Variants in ABI3 observed in about 807,000 individuals in gnomAD.
The protein encoded by ABI3 is ABI gene family member 3.
In ABI3, 24 loss-of-function variants were observed where a neutral mutation model predicts 37.0. That is an observed-to-expected ratio of 0.65 (90% CI 0.47 to 0.91). The LOEUF is 0.91. Among genes scored for constraint, ABI3 ranks in the 40% least tolerant of loss-of-function variants. The probability of loss-of-function intolerance (pLI) is 0.00; values close to 1 mark genes in which losing one functional copy is unlikely to be tolerated. For missense variants in ABI3, 481 were observed against 485.1 expected (o/e 0.99, Z 0.08); for synonymous variants, 220 against 211.8 (o/e 1.04, Z -0.34).
At chr17:49,212,352 G>C (rs917431830) in intron 1 of ABI3, among the ~76,000 whole-genome samples, 6 of 152,122 alleles carry the variant, frequency 3.9e-5, no homozygotes, top group Admixed American at 2.6e-4. Flanking sequence ...TCTGTCCCCG[G>C]TTTCCTCTGC....
chr17:49,219,586 G>T lies in ABI3; in HGVS notation c.509G>T (p.Ser170Ile). 1.9e-6 allele frequency: 3 copies of T among 1,602,810 alleles called. No homozygotes were observed. The highest frequency in any genetic ancestry group is 2.6e-6 in the Non-Finnish European group (3 of 1,175,076). The part of the protein sequence containing the change: ...LSRTGTLSRK[S>I]IKAPATPASA... ...AGAACAGGCACCCTGTCTCGAAAGA[G>T]CATCAAGGCCCCTGCCACACCCGCC... Residue 170 changes from serine to isoleucine, a missense_variant, in exon 4 of 8, where the codon AGC becomes ATC. Physicochemically the swap from Ser to Ile is moderately radical, Grantham distance 142 (BLOSUM62 -2). Coordinates refer to ENST00000225941, the MANE Select transcript of ABI3 (RefSeq NM_016428.3). The surrounding 1 kb of genome is among the most constrained non-coding windows in gnomAD (Gnocchi z 4.3).
chr17:49,213,764 A>T (rs749170231), intron 1 of ABI3, among the ~76,000 whole-genome samples: 1 of 152,160 alleles, frequency 6.6e-6, no homozygotes, highest in Admixed American at 6.5e-5. Flanking sequence ...ACAATTCCAC[A>T]TGTTCGTTTG....
chr17:49,217,645 C>CA, intron 2 of ABI3, 94 bp from the exon 3 acceptor site: 1 of 1,214,502 alleles, frequency 8.2e-7, no homozygotes, highest in Admixed American at 2.9e-5. Flanking sequence ...GGCTGCCTCC[C>CA]CCCCCCAGCC....
chr17:49,211,351 T>G lies in ABI3; in HGVS notation c.117+510T>G, dbSNP rs796110553. On this transcript the variant is annotated intron_variant, in intron 1 of 7. Coordinates refer to ENST00000225941, the MANE Select transcript of ABI3 (RefSeq NM_016428.3). ...GCTGGGCTAAAGAGAGGGGATCTCA[T>G]GCAGAGGCAGGGGGATGGCCCACAT... 2.6e-5 allele frequency among the ~76,000 whole-genome samples: 4 copies of G among 152,084 alleles called. No homozygotes were observed. In the East Asian group the frequency reaches 7.7e-4, roughly 29 times the overall value.
chr17:49,214,468 G>C (rs946182206), intron 1 of ABI3, among the ~76,000 whole-genome samples: 3 of 152,138 alleles, frequency 2.0e-5, no homozygotes, highest in African/African-American at 7.2e-5. Context: ...CAGCACTTTG[G>C]GAGGCCAAGG....
intron 1 of ABI3, among the ~76,000 whole-genome samples, chr17:49,212,047 G>A (rs2043173866): frequency 6.6e-6 from 1 of 152,016 alleles, no homozygotes; most frequent in African/African-American, 2.4e-5. Context: ...GAACTCCTAG[G>A]TTCAAGCAAT....
At chr17:49,220,704 C>T (rs1394219620) in intron 6 of ABI3, among the ~76,000 whole-genome samples, 1 of 151,802 alleles carries the variant, frequency 6.6e-6, no homozygotes, top group African/African-American at 2.4e-5. Context: ...ATTGACCGGG[C>T]GTGGTGGCGC....
intron 3 of ABI3, among the ~76,000 whole-genome samples, chr17:49,218,545 G>A (rs1043895190): frequency 3.3e-5 from 5 of 151,822 alleles, no homozygotes; most frequent in African/African-American, 9.7e-5. Flanking sequence ...AAGGGGAAAC[G>A]ACATTCTCCC....
At chr17:49,222,070 C>T (rs377017846) in intron 6 of ABI3, 21 bp from the exon 7 acceptor site, 2 of 1,577,546 alleles carry the variant, frequency 1.3e-6, no homozygotes, top group Non-Finnish European at 1.7e-6. Flanking sequence ...ACACTTACAG[C>T]CTTTCTGCTT....
rs563226990 is a variant in ABI3 at position 49,220,079 on chromosome 17, A to G, written c.645-90A>G. The G allele has an allele frequency of 9.3e-5, 148 of 1,584,302 alleles. No homozygotes were observed. The African/African-American group carries it at 1.7e-3, about 19-fold the overall frequency. ...CCAGTTACTCCTGGGTCACACGTGC[A>G]GGGCTGGGGTCAGGATTGGAGGGGT... is the stretch of plus-strand genomic sequence containing the variant. On this transcript the variant is annotated intron_variant, in intron 5 of 7. Coordinates refer to ENST00000225941, the MANE Select transcript of ABI3 (RefSeq NM_016428.3).
chr17:49,213,050 A>G (rs1021077516), intron 1 of ABI3, among the ~76,000 whole-genome samples: 1 of 152,130 alleles, frequency 6.6e-6, no homozygotes, highest in South Asian at 2.1e-4. Flanking sequence ...CCACCTACCA[A>G]CTACAGGAAC....
intron 1 of ABI3, among the ~76,000 whole-genome samples, chr17:49,214,729 A>T (rs1312981595): frequency 1.3e-5 from 2 of 152,120 alleles, no homozygotes; most frequent in African/African-American, 4.8e-5. Context: ...AACAAAAAAA[A>T]CTTCTTGCCT....
rs1222051697 is a variant in ABI3, at chr17:49,219,789, C to A, written c.549-69C>A. Reference sequence around the variant, plus strand: ...CCCTCGGCCACCTGCCCTTCCTGCTCGCACCCGACCCCTGCTGGCCAGAAG... The same window carrying A: ...CCCTCGGCCACCTGCCCTTCCTGCTAGCACCCGACCCCTGCTGGCCAGAAG... On this transcript the variant is annotated intron_variant, in intron 4 of 7. Transcript: ENST00000225941. This position sits in a 1 kb window ranked among gnomAD's most constrained non-coding sequence, Gnocchi z 4.3. 1.3e-6 allele frequency: 2 copies of A among 1,490,496 alleles called. No individual in the cohort carries two copies. The highest frequency in any genetic ancestry group is 2.5e-5 in the East Asian group (1 of 40,670). 92.3% of individuals were successfully genotyped at this position (1,490,496 alleles called of 1,614,324 possible).
chr17:49,219,485 G>T lies in ABI3; in HGVS notation c.463-55G>T. ...TCCTCCATTTCCTCTTGGGGATGAG[G>T]GTGGAGGGAGGCCCCTCACCCCAAA... On this transcript the variant is annotated intron_variant, in intron 3 of 7. Coordinates refer to ENST00000225941, the MANE Select transcript of ABI3 (RefSeq NM_016428.3). This position sits in a 1 kb window ranked among gnomAD's most constrained non-coding sequence, Gnocchi z 4.3. 1 of 1,447,804 alleles carries T rather than the reference G, an allele frequency of 6.9e-7. No individual in the cohort carries two copies. Among genetic ancestry groups the T allele is most frequent in the Admixed American group, 2.0e-5 (1 of 49,568 alleles). 89.7% of individuals were successfully genotyped at this position (1,447,804 alleles called of 1,614,324 possible).
chr17:49,222,726 C>T lies in ABI3; in HGVS notation c.*11C>T. Reference sequence around the variant, plus strand: ...GAGCCCAGCTGCTGACAGCCCAGGGCTCTCTGGGCAGCTGATGTCTGCACT... The same window carrying T: ...GAGCCCAGCTGCTGACAGCCCAGGGTTCTCTGGGCAGCTGATGTCTGCACT... On this transcript the variant is annotated 3_prime_UTR_variant, in exon 8 of 8. Transcript: ENST00000225941. The T allele has an allele frequency of 2.6e-6, 4 of 1,552,464 alleles. No homozygotes were observed. The highest frequency in any genetic ancestry group is 3.5e-6 in the Non-Finnish European group (4 of 1,149,314).
Position 49,219,963 on chromosome 17 carries a change from A to T in ABI3, c.644+10A>T. 7.8e-7 allele frequency: 1 copy of T among 1,276,056 alleles called. No homozygotes were observed. The allele number at this position is 1,276,056 out of a possible 1,614,324, so 79.0% of individuals were successfully genotyped here. A position where few individuals can be genotyped will look rare whatever the true frequency, so the allele number is the denominator to read the frequency against. On this transcript the variant is annotated intron_variant, in intron 5 of 7. Transcript: ENST00000225941. This position sits in a 1 kb window ranked among gnomAD's most constrained non-coding sequence, Gnocchi z 4.3. ...CCCTGGCCTCGGCCGGGTGAGACCT[A>T]CAAGCCCACGTGGGTGGGTGGGGGG...
At position 49,219,299 on chromosome 17, in the gene ABI3, G is replaced by T. The variant is rs1179822665; in HGVS notation, c.463-241G>T. On this transcript the variant is annotated intron_variant, in intron 3 of 7. Transcript: ENST00000225941. This position sits in a 1 kb window ranked among gnomAD's most constrained non-coding sequence, Gnocchi z 4.3. ...GGGTGCTGGGCCCACTCAACCCGCT[G>T]TGGCTGTGCAGAGGAAGTGGCTGTG... Among the ~76,000 whole-genome samples, 2 of 152,142 alleles carry T rather than the reference G, an allele frequency of 1.3e-5. No homozygotes were observed. Among genetic ancestry groups the T allele is most frequent in the African/African-American group, 4.8e-5 (2 of 41,420 alleles).
chr17:49,219,755 C>T lies in ABI3; in HGVS notation c.549-103C>T. ...GGCCGTCATGCTGGATGCCTGGCGC[C>T]AAACCTCCCCCTCGGCCACCTGCCC... On this transcript the variant is annotated intron_variant, in intron 4 of 7. Transcript: ENST00000225941. The surrounding 1 kb of genome is among the most constrained non-coding windows in gnomAD (Gnocchi z 4.3). 8 of 1,426,966 alleles carry T rather than the reference C, an allele frequency of 5.6e-6. No homozygotes were observed. In the South Asian group the frequency reaches 9.9e-5, roughly 18 times the overall value. 88.4% of individuals were successfully genotyped at this position (1,426,966 alleles called of 1,614,324 possible).
chr17:49,219,653 C>A lies in ABI3; in HGVS notation c.548+28C>A. The A allele has an allele frequency of 1.9e-6, 3 of 1,564,950 alleles. No individual in the cohort carries two copies. The highest frequency in any genetic ancestry group is 2.6e-6 in the Non-Finnish European group (3 of 1,150,356). On this transcript the variant is annotated intron_variant, in intron 4 of 7. Transcript: ENST00000225941. This position sits in a 1 kb window ranked among gnomAD's most constrained non-coding sequence, Gnocchi z 4.3. Reference sequence around the variant, plus strand: ...GAGGCCTCGCCGCGACGCCAACTAGCCTAGCCCTGCCCCGCGCGACCCTGA... The same window carrying A: ...GAGGCCTCGCCGCGACGCCAACTAGACTAGCCCTGCCCCGCGCGACCCTGA...
Sources: allele counts gnomAD v4.1 joint callset (sites outside exome capture counted in the v4.1 genomes callset), GRCh38; gene constraint gnomAD v4.1.1; non-coding constraint Gnocchi (gnomAD v3.1); transcripts MANE v1.5; gene names NCBI Gene and HGNC (gene_info 2026-07-23, HGNC 2026-07-21).